Variants in TXLNB observed in about 807,000 individuals in gnomAD.
TXLNB encodes the protein beta-taxilin.
Under a neutral mutation model 57.4 loss-of-function variants are expected in TXLNB, and 37 were observed. The observed-to-expected ratio is 0.64, with a 90% CI of 0.50 to 0.85. The LOEUF is 0.85. Among genes scored for constraint, TXLNB ranks in the 40% least tolerant of loss-of-function variants. TXLNB has a pLI of 0.00. For synonymous variants in TXLNB, 302 were observed against 309.6 expected (o/e 0.98, Z 0.26); for missense variants, 848 against 825.6 (o/e 1.03, Z -0.33).
chr6:139,183,034 A>C, the TXLNB span: 1 of 152,244 alleles, frequency 6.6e-6, no homozygotes, highest in African/African-American at 2.4e-5. Context: ...AAGAGTGAGA[A>C]AGTCATAGCC....
At chr6:139,272,135 C>A (rs1776780839) in intron 3 of TXLNB, among the ~76,000 whole-genome samples, 2 of 151,960 alleles carry the variant, frequency 1.3e-5, no homozygotes, top group Non-Finnish European at 2.9e-5. Context: ...GGTGAAACCC[C>A]ATCTCTACTA....
the TXLNB span, among the ~76,000 whole-genome samples, chr6:139,171,682 C>G: frequency 6.6e-6 from 1 of 152,064 alleles, no homozygotes; most frequent in Non-Finnish European, 1.5e-5. Flanking sequence ...GGCTGGAAAG[C>G]AGCGGAGTGA....
rs1344612031 is a variant in TXLNB, at chr6:139,284,540, A to G, written c.424+3936T>C. Reference sequence around the variant, plus strand: ...AGACTCTGTCTCAAAGAAAAAAAGTAAATAAATAAAAATAAATAAATAAGT... The same window carrying G: ...AGACTCTGTCTCAAAGAAAAAAAGTGAATAAATAAAAATAAATAAATAAGT... On this transcript the variant is annotated intron_variant, in intron 2 of 9. Coordinates refer to ENST00000358430, the MANE Select transcript of TXLNB (RefSeq NM_153235.4). 1.4e-5 allele frequency among the ~76,000 whole-genome samples: 2 copies of G among 145,248 alleles called. 1 individual carries two copies. The highest frequency in any genetic ancestry group is 3.1e-5 in the Non-Finnish European group (2 of 65,330).
At chr6:139,213,435 CAA>C in the TXLNB span, among the ~76,000 whole-genome samples, 1 of 152,212 alleles carries the variant, frequency 6.6e-6, no homozygotes, top group Admixed American at 6.5e-5. Context: ...CCAATGAGAA[CAA>C]AGACACAACA....
the TXLNB span, chr6:139,167,355 CTGTT>C: frequency 6.7e-6 from 10 of 1,487,106 alleles, no homozygotes; most frequent in South Asian, 8.9e-5. Flanking sequence ...TGCCTGCTTT[CTGTT>C]TGTTAAAAAC....
the TXLNB span, among the ~76,000 whole-genome samples, chr6:139,165,013 G>C: frequency 5.3e-5 from 8 of 152,220 alleles, no homozygotes; most frequent in Admixed American, 3.3e-4. Flanking sequence ...GTCAGCTAAC[G>C]ACAAGAACAG....
upstream of TXLNB, among the ~76,000 whole-genome samples, chr6:139,295,094 T>C (rs1304823583): frequency 6.6e-6 from 1 of 152,244 alleles, no homozygotes; most frequent in East Asian, 1.9e-4. Flanking sequence ...CCTGCAATTA[T>C]TAAAGTAGTG....
chr6:139,210,198 A>AT, the TXLNB span, among the ~76,000 whole-genome samples: 1 of 151,770 alleles, frequency 6.6e-6, no homozygotes, highest in African/African-American at 2.4e-5. Context: ...TAAATAAAAA[A>AT]TTTAAAAAAA....
intron 2 of TXLNB, among the ~76,000 whole-genome samples, chr6:139,282,848 G>T (rs1358043817): frequency 6.9e-6 from 1 of 145,008 alleles, no homozygotes; most frequent in Non-Finnish European, 1.5e-5. Flanking sequence ...TTTTTTGGTG[G>T]ATTCTGAAAC....
At chr6:139,225,815 T>C in the TXLNB span, among the ~76,000 whole-genome samples, 11 of 152,208 alleles carry the variant, frequency 7.2e-5, no homozygotes, top group Non-Finnish European at 1.3e-4. Flanking sequence ...TGTGTGTAGA[T>C]TGACAAGCTG....
the TXLNB span, among the ~76,000 whole-genome samples, chr6:139,173,626 T>C: frequency 1.3e-5 from 2 of 152,202 alleles, no homozygotes; most frequent in Non-Finnish European, 2.9e-5. Context: ...GTTGCTGTTA[T>C]ACGTTGCCTG....
chr6:139,274,361 G>A (rs993495680), intron 3 of TXLNB, among the ~76,000 whole-genome samples: 2 of 152,144 alleles, frequency 1.3e-5, no homozygotes, highest in African/African-American at 4.8e-5. Flanking sequence ...CCAAATCAGT[G>A]AGCAAGGAAA....
chr6:139,196,850 G>GA, the TXLNB span, among the ~76,000 whole-genome samples: 5 of 151,606 alleles, frequency 3.3e-5, no homozygotes, highest in South Asian at 2.1e-4. Flanking sequence ...TTCCAATTCT[G>GA]AAAAAAAATA....
rs146183816 is a variant in TXLNB at position 139,288,560 on chromosome 6, C to A, written c.340G>T (p.Val114Phe). 2 of 1,614,194 alleles carry A rather than the reference C, an allele frequency of 1.2e-6. No individual in the cohort carries two copies. The highest frequency in any genetic ancestry group is 1.7e-6 in the Non-Finnish European group (2 of 1,180,036). Residue 114 changes from valine (V) to phenylalanine (F), a missense_variant, in exon 2 of 10, where the codon GTT becomes TTT. Transcript: ENST00000358430. ...ETTEEAGREP[V>F]ASGEPPTVKE... ...ACAGTGGGTGGCTCTCCAGAAGCAA[C>A]GGGTTCTCTTCCAGCCTCTTCAGTT...
chr6:139,198,746 GCA>G, the TXLNB span, among the ~76,000 whole-genome samples: 2 of 152,072 alleles, frequency 1.3e-5, no homozygotes, highest in African/African-American at 4.8e-5. Context: ...TATGGCCATA[GCA>G]CCTGCTCAGC....
rs1776105933 is a variant in TXLNB at position 139,247,928 on chromosome 6, G to C, written c.1078-19C>G. On this transcript the variant is annotated intron_variant, in intron 7 of 9. Coordinates refer to ENST00000358430, the MANE Select transcript of TXLNB (RefSeq NM_153235.4). ...GAGTGAGCTGTAAACAGAGGAAAGA[G>C]TGGATCTTTCAGAATACTTCCAGAA... 6.8e-7 allele frequency: 1 copy of C among 1,473,850 alleles called. No homozygotes were observed. Among genetic ancestry groups the C allele is most frequent in the Admixed American group, 1.9e-5 (1 of 52,368 alleles). The allele number at this position is 1,473,850 out of a possible 1,614,324, so 91.3% of individuals were successfully genotyped here.
rs149585178 is a variant in TXLNB, at chr6:139,245,762, G to A, written c.1171-1072C>T. Among the ~76,000 whole-genome samples the A allele has an allele frequency of 5.0e-3, 768 of 152,082 alleles. 5 individuals are homozygous for A. The highest frequency in any genetic ancestry group is 7.6e-3 in the Non-Finnish European group (517 of 67,968). ...GGCTGGAGTGCAATGGCGTGATCTCGGCTCACTGCAAACTCTGCCTCCCGA... is the reference window on the plus strand; with the variant it reads ...GGCTGGAGTGCAATGGCGTGATCTCAGCTCACTGCAAACTCTGCCTCCCGA... On this transcript the variant is annotated intron_variant, in intron 8 of 9. Transcript: ENST00000358430.
the TXLNB span, among the ~76,000 whole-genome samples, chr6:139,189,286 T>G: frequency 6.6e-6 from 1 of 152,372 alleles, no homozygotes; most frequent in Admixed American, 6.5e-5. Context: ...GGATTTGCAT[T>G]AGTTGAAAGT....
downstream of TXLNB, among the ~76,000 whole-genome samples, chr6:139,235,923 G>A (rs557400764): frequency 9.5e-4 from 144 of 152,228 alleles, 1 homozygote; most frequent in African/African-American, 3.3e-3. Context: ...AGAGCACACC[G>A]ACAGGCACCA....
Sources: gnomAD v4.1 joint callset for allele counts (sites outside exome capture counted in the v4.1 genomes callset) on GRCh38, gnomAD v4.1.1 for gene constraint, MANE v1.5 for transcripts, NCBI Gene and HGNC (gene_info 2026-07-23, HGNC 2026-07-21) for gene names.